HEATR5B: variants seen among roughly 807,000 people sequenced by gnomAD.
HEATR5B encodes the protein HEAT repeat containing 5B.
Under a neutral mutation model 224.1 loss-of-function variants are expected in HEATR5B, and 156 were observed. That is an observed-to-expected ratio of 0.70 (90% CI 0.61 to 0.80). HEATR5B has a LOEUF of 0.80. HEATR5B is among the 30% of genes least tolerant of loss of function. The probability of loss-of-function intolerance (pLI) is 0.00; values close to 1 mark genes in which losing one functional copy is unlikely to be tolerated. For synonymous variants in HEATR5B, 1,027 were observed against 893.0 expected (o/e 1.15, Z -2.68); for missense variants, 2,323 against 2,535.5 (o/e 0.92, Z 1.80).
chr2:37,058,095 C>T (rs1406191812), intron 14 of HEATR5B, among the ~76,000 whole-genome samples: 2 of 152,116 alleles, frequency 1.3e-5, no homozygotes, highest in East Asian at 3.8e-4. Flanking sequence ...ATCAAAAGTG[C>T]ACACTTTGAA....
In HEATR5B at chr2:37,068,778, G is replaced by A. The variant is rs767346833; in HGVS notation, c.1080C>T (p.Ile360=). 1 of 1,614,146 alleles carries A rather than the reference G, an allele frequency of 6.2e-7. No homozygotes were observed. The highest frequency in any genetic ancestry group is 2.2e-5 in the East Asian group (1 of 44,872). The change falls in exon 8 of 36, where the codon ATC becomes ATT. Residue 360 remains isoleucine, a synonymous_variant. Transcript: ENST00000233099. The part of the protein sequence containing the change: ...AVYSRRCVSF[I]LRATVGSLLG... The stretch of plus-strand genomic sequence containing the variant: ...GCAAACTGCCCACAGTAGCTCTTAG[G>A]ATAAAGGAAACACATCGTCTGGAGT...
intron 33 of HEATR5B, among the ~76,000 whole-genome samples, chr2:36,996,473 A>G (rs1666720919): frequency 6.7e-6 from 1 of 148,706 alleles, no homozygotes; most frequent in Admixed American, 6.7e-5. Context: ...CTTGAGGGCA[A>G]TGGTGCGATC....
At chr2:37,075,703 A>G in intron 4 of HEATR5B, 69 bp from the exon 5 acceptor site, 1 of 1,275,686 alleles carries the variant, frequency 7.8e-7, no homozygotes, top group South Asian at 1.5e-5. Flanking sequence ...ACACACCAAG[A>G]CAAAAGTTCT....
intron 24 of HEATR5B, 127 bp from the exon 25 acceptor site, chr2:37,020,963 G>T: frequency 1.7e-6 from 1 of 586,706 alleles, no homozygotes; most frequent in Non-Finnish European, 3.0e-6. Flanking sequence ...TTTGAAAATA[G>T]CAAAGATATT....
In HEATR5B at chr2:37,084,325, A is replaced by G; in HGVS notation, c.-79T>C. On this transcript the variant is annotated 5_prime_UTR_variant, in exon 1 of 36. Transcript: ENST00000233099. ...TCCGGGGGTAGAAGCAGCCACCAAG[A>G]GACCCGGATGCCCCACCTCCCGCAC... The G allele has an allele frequency of 2.5e-6, 1 of 405,708 alleles. No homozygotes were observed. The highest frequency in any genetic ancestry group is 4.3e-6 in the Non-Finnish European group (1 of 233,474). The allele number at this position is 405,708 out of a possible 1,614,324, so 25.1% of individuals were successfully genotyped here. A position where few individuals can be genotyped will look rare whatever the true frequency, so the allele number is the denominator to read the frequency against.
At chr2:37,017,115 G>C (rs971743745) in intron 26 of HEATR5B, among the ~76,000 whole-genome samples, 1 of 152,136 alleles carries the variant, frequency 6.6e-6, no homozygotes, top group Non-Finnish European at 1.5e-5. Context: ...AAAAACCTAA[G>C]TATTTTCTTC....
At chr2:37,037,777 ATGTATC>A in intron 21 of HEATR5B, 72 bp downstream of exon 21, 1 of 1,009,088 alleles carries the variant, frequency 9.9e-7, no homozygotes, top group Admixed American at 3.3e-5. Context: ...TATAGCTAGT[ATGTATC>A]CATAAAAAAT....
intron 10 of HEATR5B, among the ~76,000 whole-genome samples, chr2:37,064,057 A>G (rs1453805628): frequency 6.6e-6 from 1 of 152,058 alleles, no homozygotes; most frequent in Non-Finnish European, 1.5e-5. Context: ...CAAATGATCC[A>G]CCTGCCTCGG....
intron 11 of HEATR5B, 50 bp downstream of exon 11, chr2:37,061,889 G>A (rs367615844): frequency 2.9e-6 from 3 of 1,036,420 alleles, no homozygotes; most frequent in African/African-American, 3.2e-5. Context: ...TGCTTTACAG[G>A]CTACTGACAG....
chr2:37,044,734 A>G (rs2148508786), intron 18 of HEATR5B, among the ~76,000 whole-genome samples: 1 of 152,344 alleles, frequency 6.6e-6, no homozygotes, highest in East Asian at 1.9e-4. Flanking sequence ...GGCAATATAT[A>G]AGAGTTCTTA....
chr2:37,004,022 A>C (rs1349544392), intron 30 of HEATR5B, among the ~76,000 whole-genome samples: 3 of 152,192 alleles, frequency 2.0e-5, no homozygotes, highest in Non-Finnish European at 1.5e-5. Flanking sequence ...ACCTGAGCTG[A>C]ATATCCAAGA....
rs181814319 is a variant in HEATR5B, at chr2:36,998,533, T to C, written c.5545+2053A>G. 1.9e-3 allele frequency among the ~76,000 whole-genome samples: 292 copies of C among 152,318 alleles called. 1 individual carries two copies. The highest frequency in any genetic ancestry group is 6.6e-3 in the African/African-American group (273 of 41,568). ...ATGTACCATCGATTCTACTTCTAGG[T>C]GTACATCCTAGAAAATCTCTCACAG... On this transcript the variant is annotated intron_variant, in intron 33 of 35. Transcript: ENST00000233099.
intron 3 of HEATR5B, 66 bp downstream of exon 3, chr2:37,079,054 C>G (rs1672396481): frequency 2.1e-6 from 2 of 971,740 alleles, no homozygotes; most frequent in African/African-American, 3.3e-5. Context: ...GGTCCATAGT[C>G]TCCTACTAAG....
At chr2:37,065,954 G>A in intron 8 of HEATR5B, 44 bp from the exon 9 acceptor site, 1 of 1,555,440 alleles carries the variant, frequency 6.4e-7, no homozygotes, top group Non-Finnish European at 8.8e-7. Flanking sequence ...GAAATGAATT[G>A]TGGTATGATT....
intron 11 of HEATR5B, among the ~76,000 whole-genome samples, 160 bp downstream of exon 11, chr2:37,061,779 G>A (rs1176341061): frequency 2.0e-5 from 3 of 152,166 alleles, no homozygotes; most frequent in Non-Finnish European, 2.9e-5. Context: ...TTACCAAAAA[G>A]AGAAATCTAC....
chr2:37,004,491 C>T (rs895858980), intron 30 of HEATR5B, among the ~76,000 whole-genome samples: 6 of 151,738 alleles, frequency 4.0e-5, no homozygotes, highest in African/African-American at 1.5e-4. Flanking sequence ...ACCCTATGTC[C>T]TCCTCTATGT....
intron 5 of HEATR5B, among the ~76,000 whole-genome samples, chr2:37,072,781 C>A (rs1671984951): frequency 6.6e-6 from 1 of 150,782 alleles, no homozygotes. Context: ...ATACAAAGTA[C>A]CAAAATCAGA....
chr2:37,007,380 G>A (rs1323736498), intron 28 of HEATR5B, 76 bp from the exon 29 acceptor site: 4 of 1,398,892 alleles, frequency 2.9e-6, no homozygotes, highest in African/African-American at 1.8e-5. Flanking sequence ...GTCTCGTTCT[G>A]TCGCCCAGGC....
At chr2:36,999,422 A>T (rs1242956344) in intron 33 of HEATR5B, among the ~76,000 whole-genome samples, 1 of 151,982 alleles carries the variant, frequency 6.6e-6, no homozygotes, top group East Asian at 1.9e-4. Flanking sequence ...TCATGCCTGT[A>T]ATCTCAGCAA....
Sources: allele counts gnomAD v4.1 joint callset (sites outside exome capture counted in the v4.1 genomes callset), GRCh38; gene constraint gnomAD v4.1.1; transcripts MANE v1.5; gene names NCBI Gene and HGNC (gene_info 2026-07-23, HGNC 2026-07-21).